SPECC1: variants seen among roughly 807,000 people sequenced by gnomAD.
The protein encoded by SPECC1 is cytospin-B.
Under a neutral mutation model 104.1 loss-of-function variants are expected in SPECC1, and 62 were observed. The observed-to-expected ratio is 0.60, with a 90% CI of 0.49 to 0.74. The LOEUF (loss-of-function observed/expected upper bound fraction) is 0.74, where lower values mean the gene tolerates loss of function less well. Among genes scored for constraint, SPECC1 ranks in the 30% least tolerant of loss-of-function variants. The probability of loss-of-function intolerance (pLI) is 0.00; values close to 1 mark genes in which losing one functional copy is unlikely to be tolerated. For missense variants in SPECC1, 1,306 were observed against 1,310.5 expected (o/e 1.00, Z 0.05); for synonymous variants, 513 against 501.6 (o/e 1.02, Z -0.30).
Position 20,227,418 on chromosome 17 carries a change from A to G in SPECC1, c.1869A>G (p.Glu623=). The G allele has an allele frequency of 6.2e-7, 1 of 1,610,930 alleles. No homozygotes were observed. Among genetic ancestry groups the G allele is most frequent in the Non-Finnish European group, 8.5e-7 (1 of 1,178,862 alleles). Residue 623 remains glutamate (E), a synonymous_variant, in exon 5 of 15, where the codon GAA becomes GAG. Transcript: ENST00000395527. The stretch of plus-strand genomic sequence containing the variant: ...GAACCTTCCTTTTATTTTAGGTGGA[A>G]AAGGATTATTCATACCTGAAGGAGA... ...KHVSSLLAKV[E]KDYSYLKEIC...
intron 3 of SPECC1, among the ~76,000 whole-genome samples, chr17:20,193,542 C>G (rs2035812089): frequency 6.6e-6 from 1 of 152,142 alleles, no homozygotes; most frequent in Non-Finnish European, 1.5e-5. Context: ...ATTAGGGTCT[C>G]TTACATTCAG....
At chr17:20,197,026 A>G (rs1199602436) in intron 3 of SPECC1, among the ~76,000 whole-genome samples, 1 of 152,222 alleles carries the variant, frequency 6.6e-6, no homozygotes, top group Non-Finnish European at 1.5e-5. Flanking sequence ...TTATATAAAC[A>G]TTACACATAA....
intron 4 of SPECC1, among the ~76,000 whole-genome samples, chr17:20,219,010 G>A (rs1412355751): frequency 6.6e-6 from 1 of 152,098 alleles, no homozygotes; most frequent in East Asian, 1.9e-4. Flanking sequence ...TGAATACTCT[G>A]TTGTGTATAT....
intron 4 of SPECC1, among the ~76,000 whole-genome samples, chr17:20,211,987 C>G (rs984914916): frequency 6.6e-6 from 1 of 152,208 alleles, no homozygotes. Context: ...TGGGAAGTAC[C>G]TGCGTGGGGC....
intron 12 of SPECC1, among the ~76,000 whole-genome samples, chr17:20,287,403 G>A (rs866242609): frequency 2.3e-4 from 30 of 133,284 alleles, no homozygotes; most frequent in Middle Eastern, 6.0e-3. Flanking sequence ...CGGCCTGGGC[G>A]ACAGAGCGAG....
chr17:20,122,974 T>C (rs1040343580), intron 3 of SPECC1, among the ~76,000 whole-genome samples: 1 of 152,196 alleles, frequency 6.6e-6, no homozygotes, highest in Non-Finnish European at 1.5e-5. Flanking sequence ...AGACACTGCT[T>C]TGACTTTTTG....
Position 20,316,459 on chromosome 17 carries a change from C to G in SPECC1, c.*2394C>G, listed in dbSNP as rs939868037. On this transcript the variant is annotated 3_prime_UTR_variant, in exon 15 of 15. Transcript: ENST00000395527. ...TCAGCTCACTGCAACCTCCGCCGCC[C>G]GTGTTTAAGCGATTCTCCTGCCTCA... 1.6e-5 allele frequency: 3 copies of G among 193,498 alleles called. No individual in the cohort carries two copies. The Admixed American group carries it at 1.8e-4, about 12-fold the overall frequency. The allele number at this position is 193,498 out of a possible 1,614,324, so 12.0% of individuals were successfully genotyped here. A position where few individuals can be genotyped will look rare whatever the true frequency, so the allele number is the denominator to read the frequency against.
At chr17:20,163,714 C>T (rs2151141918) in intron 3 of SPECC1, among the ~76,000 whole-genome samples, 1 of 152,116 alleles carries the variant, frequency 6.6e-6, no homozygotes, top group Admixed American at 6.6e-5. Flanking sequence ...GAGCATGTCA[C>T]CACCCCTGGC....
At position 20,028,221 on chromosome 17, in the gene SPECC1, T is replaced by C. The variant is rs371926957; in HGVS notation, c.-22+18797T>C. On this transcript the variant is annotated intron_variant, in intron 1 of 14. Coordinates refer to ENST00000395527, the MANE Select transcript of SPECC1 (RefSeq NM_001243439.2). Reference sequence around the variant, plus strand: ...AATCATTTGGGCTGGATGTGGTGGCTGATGCCTATAATCGCAGCACTTTAG... The same window carrying C: ...AATCATTTGGGCTGGATGTGGTGGCCGATGCCTATAATCGCAGCACTTTAG... Among the ~76,000 whole-genome samples the C allele has an allele frequency of 5.9e-5, 9 of 152,166 alleles. No homozygotes were observed. The East Asian group carries it at 1.7e-3, about 29-fold the overall frequency.
At chr17:20,178,639 A>G (rs568067454) in intron 3 of SPECC1, among the ~76,000 whole-genome samples, 1 of 152,354 alleles carries the variant, frequency 6.6e-6, no homozygotes, top group African/African-American at 2.4e-5. Context: ...TGTGTTGAGA[A>G]CTGAATTAAT....
rs535419855 is a variant in SPECC1, at chr17:20,242,347, A to C, written c.2352-3579A>C. On this transcript the variant is annotated intron_variant, in intron 7 of 14. Coordinates refer to ENST00000395527, the MANE Select transcript of SPECC1 (RefSeq NM_001243439.2). The stretch of plus-strand genomic sequence containing the variant: ...TAGAGACATGTATGTATATGTGCTT[A>C]AATGACAAGGTGAGGCATGGAAGGC... 2.9e-4 allele frequency among the ~76,000 whole-genome samples: 44 copies of C among 152,266 alleles called. 1 individual carries two copies. The highest frequency in any genetic ancestry group is 6.0e-4 in the Non-Finnish European group (41 of 68,042).
intron 1 of SPECC1, among the ~76,000 whole-genome samples, chr17:20,042,598 G>A (rs1371975491): frequency 1.3e-5 from 2 of 152,176 alleles, no homozygotes; most frequent in Non-Finnish European, 2.9e-5. Context: ...ACCTTGGTAC[G>A]TCCTCACAAG....
At chr17:20,242,295 T>A (rs1395945696) in intron 7 of SPECC1, among the ~76,000 whole-genome samples, 1 of 152,226 alleles carries the variant, frequency 6.6e-6, no homozygotes, top group Non-Finnish European at 1.5e-5. Context: ...TTAGAGAGGT[T>A]AAATAAAAGT....
intron 3 of SPECC1, among the ~76,000 whole-genome samples, chr17:20,159,376 A>T (rs1176304485): frequency 6.6e-6 from 1 of 152,184 alleles, no homozygotes; most frequent in South Asian, 2.1e-4. Flanking sequence ...TTCTTTCTTG[A>T]AAAAGGGATC....
intron 9 of SPECC1, among the ~76,000 whole-genome samples, chr17:20,252,429 A>C (rs941380852): frequency 2.0e-5 from 3 of 151,754 alleles, no homozygotes; most frequent in Non-Finnish European, 2.9e-5. Flanking sequence ...CTCCTCTAGC[A>C]CTCCCCAGTG....
chr17:20,161,875 A>G (rs1303427338), intron 3 of SPECC1, among the ~76,000 whole-genome samples: 1 of 151,192 alleles, frequency 6.6e-6, no homozygotes, highest in Non-Finnish European at 1.5e-5. Flanking sequence ...GCTCCCTGCA[A>G]CTTCTGCCTC....
intron 3 of SPECC1, among the ~76,000 whole-genome samples, chr17:20,131,355 T>C (rs2049618015): frequency 6.6e-6 from 1 of 152,038 alleles, no homozygotes; most frequent in Admixed American, 6.6e-5. Flanking sequence ...TTTTTTGTAT[T>C]TTTAGTAGAG....
At chr17:20,278,875 G>T (rs2151661271) in intron 12 of SPECC1, among the ~76,000 whole-genome samples, 1 of 152,266 alleles carries the variant, frequency 6.6e-6, no homozygotes, top group African/African-American at 2.4e-5. Flanking sequence ...GGAAAAACAG[G>T]ATTTTCAAAA....
At chr17:20,217,263 TTGTG>T (rs66521107) in intron 4 of SPECC1, among the ~76,000 whole-genome samples, 2 of 148,594 alleles carry the variant, frequency 1.3e-5, no homozygotes, top group Non-Finnish European at 3.0e-5. Context: ...AGTTTTTTTA[TTGTG>T]TGTGTGTGTG....
Sources: allele counts gnomAD v4.1 joint callset (sites outside exome capture counted in the v4.1 genomes callset), GRCh38; gene constraint gnomAD v4.1.1; transcripts MANE v1.5; gene names NCBI Gene and HGNC (gene_info 2026-07-23, HGNC 2026-07-21).